The following DPP6 variants were observed in gnomAD, a reference collection of about 807,000 sequenced individuals.
DPP6 encodes the protein A-type potassium channel modulatory protein DPP6.
In DPP6, 69 loss-of-function variants were observed where a neutral mutation model predicts 122.6. That is an observed-to-expected ratio of 0.56 (90% CI 0.46 to 0.69). The LOEUF (loss-of-function observed/expected upper bound fraction) is 0.69. Among genes scored for constraint, DPP6 ranks in the 30% least tolerant of loss-of-function variants. DPP6 has a pLI of 0.00. For synonymous variants in DPP6, 418 were observed against 433.1 expected (o/e 0.97, Z 0.43); for missense variants, 928 against 1,116.9 (o/e 0.83, Z 2.41).
At position 154,872,647 on chromosome 7, in the gene DPP6, C is replaced by A. The variant is rs868492054; in HGVS notation, c.1837C>A (p.Pro613Thr). 9.4e-6 allele frequency: 15 copies of A among 1,602,384 alleles called. No homozygotes were observed. In the South Asian group the frequency reaches 1.4e-4, roughly 15 times the overall value. Residue 613 changes from proline (P) to threonine (T), a missense_variant, in exon 19 of 26, where the codon CCA (proline) becomes ACA (threonine). Coordinates refer to ENST00000377770, the MANE Select transcript of DPP6 (RefSeq NM_130797.4). ...DYNLPMQILK[P>T]ATFTDTTHYP... Reference sequence around the variant, plus strand: ...AGACCTGCCCATGCAGATACTGAAGCCAGCAACCTTCACCGACACCACCCA... The same window carrying A: ...AGACCTGCCCATGCAGATACTGAAGACAGCAACCTTCACCGACACCACCCA...
At chr7:154,368,510 AT>A (rs1406853708) in intron 1 of DPP6, among the ~76,000 whole-genome samples, 1 of 152,162 alleles carries the variant, frequency 6.6e-6, no homozygotes, top group Non-Finnish European at 1.5e-5. Context: ...ACTCCGGATA[AT>A]TTTGCCACGA....
intron 16 of DPP6, among the ~76,000 whole-genome samples, chr7:154,839,167 C>T (rs1361667120): frequency 6.6e-6 from 1 of 152,222 alleles, no homozygotes; most frequent in Non-Finnish European, 1.5e-5. Context: ...ATGGCACATT[C>T]TAAGCATTTG....
chr7:154,499,046 C>T lies in DPP6; in HGVS notation c.457+24009C>T, dbSNP rs754960873. 5.3e-5 allele frequency among the ~76,000 whole-genome samples: 8 copies of T among 152,300 alleles called. No homozygotes were observed. The East Asian group carries it at 9.7e-4, about 18-fold the overall frequency. ...GGTAGCTTTCAGCTCACATCTGTCT[C>T]GTGGCCCTGAGCTTGGCCACGTGAC... is the stretch of plus-strand genomic sequence containing the variant. On this transcript the variant is annotated intron_variant, in intron 3 of 25. Coordinates refer to ENST00000377770, the MANE Select transcript of DPP6 (RefSeq NM_130797.4).
chr7:153,938,316 G>C (rs6948607), intron 1 of DPP6, among the ~76,000 whole-genome samples: 38,807 of 152,140 alleles, frequency 0.26, 5,227 homozygotes, highest in Middle Eastern at 0.34. Flanking sequence ...TGGAAGTCCT[G>C]CCATTGGGTT....
the DPP6 span, among the ~76,000 whole-genome samples, chr7:153,812,639 G>T: frequency 6.6e-6 from 1 of 152,188 alleles, no homozygotes; most frequent in African/African-American, 2.4e-5. Flanking sequence ...CTTCCTGTCT[G>T]CTGGACACAA....
chr7:154,748,214 G>A (rs544896156), intron 8 of DPP6, among the ~76,000 whole-genome samples: 42 of 152,334 alleles, frequency 2.8e-4, no homozygotes, highest in Admixed American at 6.5e-4. Context: ...GAGCTGCAGG[G>A]TGTTGGGAGT....
At chr7:153,887,741 G>T (rs755955933) in intron 1 of DPP6, 1 of 1,613,194 alleles carries the variant, frequency 6.2e-7, no homozygotes, top group South Asian at 1.1e-5. Flanking sequence ...GATGGTGAGT[G>T]CCACGGACAG....
At chr7:154,775,634 C>T (rs1796512213) in intron 10 of DPP6, among the ~76,000 whole-genome samples, 1 of 151,994 alleles carries the variant, frequency 6.6e-6, no homozygotes, top group Non-Finnish European at 1.5e-5. Flanking sequence ...GGCAATTGAA[C>T]AAGGACATCC....
chr7:154,340,078 G>GA lies in DPP6; in HGVS notation c.244-106126dup, dbSNP rs1228052472. 3.9e-3 allele frequency among the ~76,000 whole-genome samples: 585 copies of GA among 148,396 alleles called. 4 individuals carry two copies. Among genetic ancestry groups the GA allele is most frequent in the African/African-American group, 0.013 (544 of 40,464 alleles). On this transcript the variant is annotated intron_variant, in intron 1 of 25. Transcript: ENST00000377770. The stretch of plus-strand genomic sequence containing the variant: ...ACAGAGCAAGACTCCACCTCGCAAA[G>GA]AAAAAAAAAATTAATGTGGTTGACC...
chr7:154,482,297 G>A (rs554936578), intron 3 of DPP6, among the ~76,000 whole-genome samples: 2 of 152,204 alleles, frequency 1.3e-5, no homozygotes, highest in African/African-American at 4.8e-5. Context: ...TGGCAATGAA[G>A]GGGGCAAAGG....
chr7:154,625,242 A>C (rs1834990556), intron 5 of DPP6, among the ~76,000 whole-genome samples: 1 of 152,208 alleles, frequency 6.6e-6, no homozygotes, highest in Non-Finnish European at 1.5e-5. Flanking sequence ...TAGGCTTGAA[A>C]GTCAGCAAAG....
intron 4 of DPP6, among the ~76,000 whole-genome samples, chr7:154,545,260 C>T (rs1440013820): frequency 6.6e-6 from 1 of 152,084 alleles, no homozygotes; most frequent in East Asian, 1.9e-4. Flanking sequence ...ATCAAATGGC[C>T]TTTGTTCTAT....
chr7:153,837,024 C>T, the DPP6 span, among the ~76,000 whole-genome samples: 2 of 152,158 alleles, frequency 1.3e-5, no homozygotes, highest in African/African-American at 4.8e-5. Context: ...CGGAGGGATG[C>T]AACGTGCTCA....
rs1440398208 is a variant in DPP6 at position 154,095,911 on chromosome 7, G to A, written c.243+42848G>A. 2.9e-5 allele frequency: 4 copies of A among 138,980 alleles called. 1 individual carries two copies. The highest frequency in any genetic ancestry group is 5.4e-5 in the African/African-American group (2 of 37,304). 8.6% of individuals were successfully genotyped at this position (138,980 alleles called of 1,614,324 possible). Reference sequence around the variant, plus strand: ...GGTGTGGGTGTCACTCACAGTTCACGCTACAGGACAATCCCTTTCACTCTG... The same window carrying A: ...GGTGTGGGTGTCACTCACAGTTCACACTACAGGACAATCCCTTTCACTCTG... On this transcript the variant is annotated intron_variant, in intron 1 of 25. Coordinates refer to ENST00000377770, the MANE Select transcript of DPP6 (RefSeq NM_130797.4).
intron 8 of DPP6, among the ~76,000 whole-genome samples, chr7:154,757,034 C>A (rs779123713): frequency 3.3e-5 from 5 of 151,542 alleles, no homozygotes; most frequent in Non-Finnish European, 7.4e-5. Flanking sequence ...TCTTTCACGG[C>A]CCCTGAGGAA....
chr7:154,104,921 G>C (rs1349207424), intron 1 of DPP6, among the ~76,000 whole-genome samples: 1 of 151,866 alleles, frequency 6.6e-6, no homozygotes, highest in Non-Finnish European at 1.5e-5. Flanking sequence ...GGCTGGGAGT[G>C]GTGGCACACC....
chr7:153,752,818 C>A, the DPP6 span, among the ~76,000 whole-genome samples: 60 of 144,842 alleles, frequency 4.1e-4, no homozygotes, highest in Non-Finnish European at 2.4e-4. Flanking sequence ...TAACCCTCAC[C>A]CCCACAACCC....
intron 1 of DPP6, among the ~76,000 whole-genome samples, chr7:154,175,867 T>C (rs1326857361): frequency 2.0e-5 from 3 of 152,064 alleles, no homozygotes; most frequent in South Asian, 2.1e-4. Flanking sequence ...TTTGTATTTT[T>C]AGTAGAGACG....
intron 1 of DPP6, among the ~76,000 whole-genome samples, chr7:154,368,963 C>A (rs886445984): frequency 1.3e-5 from 2 of 152,182 alleles, no homozygotes; most frequent in Non-Finnish European, 2.9e-5. Context: ...TGAGAGAATA[C>A]CTGGCCAGCC....
Sources: allele counts gnomAD v4.1 joint callset (sites outside exome capture counted in the v4.1 genomes callset), GRCh38; gene constraint gnomAD v4.1.1; transcripts MANE v1.5; gene names NCBI Gene and HGNC (gene_info 2026-07-23, HGNC 2026-07-21).